PARD3: variants seen among roughly 807,000 people sequenced by gnomAD.
The protein encoded by PARD3 is par-3 family cell polarity regulator, also known as partitioning defective 3 homolog.
PARD3 carries 75 observed loss-of-function variants against 155.4 expected under a neutral mutation model. The observed-to-expected ratio is 0.48, with a 90% CI of 0.40 to 0.58. The LOEUF (loss-of-function observed/expected upper bound fraction) is 0.58. PARD3 is among the 20% of genes least tolerant of loss of function. The pLI, the probability that PARD3 is intolerant of heterozygous loss-of-function variation, is 0.00. For synonymous variants in PARD3, 576 were observed against 610.5 expected, an observed-to-expected ratio of 0.94 and a Z score of 0.83; for missense variants, 1,642 against 1,721.7, an observed-to-expected ratio of 0.95 and a Z score of 0.82.
rs561234289 is a variant in PARD3, at chr10:34,602,907, C to G, written c.223-85748G>C. Among the ~76,000 whole-genome samples, 5 of 152,216 alleles carry G rather than the reference C, an allele frequency of 3.3e-5. No individual in the cohort carries two copies. The South Asian group carries it at 1.0e-3, about 32-fold the overall frequency. On this transcript the variant is annotated intron_variant, in intron 2 of 24. Coordinates refer to ENST00000374788, the MANE Select transcript of PARD3 (RefSeq NM_001184785.2). ...GGCACACAATTAACAGAAAGCAAAA[C>G]TGAGGTCCAAAAAATGTCAAATGTG... is the stretch of plus-strand genomic sequence containing the variant.
intron 7 of PARD3, among the ~76,000 whole-genome samples, chr10:34,389,297 C>G: frequency 7.1e-6 from 1 of 139,870 alleles, no homozygotes. Context: ...ACAAAGCGAG[C>G]CATTGAAATG....
intron 2 of PARD3, among the ~76,000 whole-genome samples, chr10:34,606,673 C>A (rs946807368): frequency 1.2e-4 from 17 of 139,580 alleles, no homozygotes; most frequent in Non-Finnish European, 2.3e-4. Context: ...GTCTGTCTAT[C>A]AATAAGACAG....
At chr10:34,724,947 C>G (rs970389412) in intron 1 of PARD3, among the ~76,000 whole-genome samples, 5 of 152,176 alleles carry the variant, frequency 3.3e-5, no homozygotes, top group African/African-American at 1.2e-4. Flanking sequence ...TCAGCTCATT[C>G]AGTACAAGCA....
At chr10:34,497,452 AGGAGTTCCT>A (rs1314780853) in intron 3 of PARD3, among the ~76,000 whole-genome samples, 2 of 152,222 alleles carry the variant, frequency 1.3e-5, no homozygotes, top group Non-Finnish European at 2.9e-5. Context: ...TGGTATCTGC[AGGAGTTCCT>A]GGAACCAACC....
chr10:34,530,195 C>A (rs1222456043), intron 2 of PARD3, among the ~76,000 whole-genome samples: 1 of 152,106 alleles, frequency 6.6e-6, no homozygotes, highest in African/African-American at 2.4e-5. Flanking sequence ...GAGAGACAGG[C>A]ACCACTGTGT....
intron 1 of PARD3, among the ~76,000 whole-genome samples, chr10:34,810,949 G>T (rs1158360940): frequency 6.6e-6 from 1 of 151,976 alleles, no homozygotes; most frequent in East Asian, 1.9e-4. Flanking sequence ...CTATACCCAA[G>T]GTTAAATGGC....
At chr10:34,145,763 C>T (rs777026890) in intron 22 of PARD3, among the ~76,000 whole-genome samples, 3 of 152,044 alleles carry the variant, frequency 2.0e-5, no homozygotes, top group Non-Finnish European at 4.4e-5. Context: ...AACAAACAAA[C>T]GTTGTTTGTT....
chr10:34,645,335 A>ACT (rs1192399102), intron 2 of PARD3, among the ~76,000 whole-genome samples: 1 of 151,796 alleles, frequency 6.6e-6, no homozygotes, highest in African/African-American at 2.4e-5. Flanking sequence ...CCTCCCCAGT[A>ACT]GCTGGAATTA....
chr10:34,652,756 T>A (rs1564463744), intron 2 of PARD3, among the ~76,000 whole-genome samples: 1 of 152,176 alleles, frequency 6.6e-6, no homozygotes, highest in Non-Finnish European at 1.5e-5. Flanking sequence ...ATATACATTC[T>A]AGAAAATGAA....
intron 22 of PARD3, among the ~76,000 whole-genome samples, chr10:34,159,569 C>G (rs1174855266): frequency 6.6e-6 from 1 of 152,200 alleles, no homozygotes; most frequent in African/African-American, 2.4e-5. Flanking sequence ...CTTCTAACAT[C>G]TAGGCAACTA....
chr10:34,197,868 T>C (rs1264065584), intron 22 of PARD3, among the ~76,000 whole-genome samples: 2 of 152,214 alleles, frequency 1.3e-5, no homozygotes, highest in Non-Finnish European at 2.9e-5. Context: ...CAGCGGGGAC[T>C]ACAGGCGCAC....
chr10:34,292,550 G>A (rs2133975916), intron 20 of PARD3, among the ~76,000 whole-genome samples: 1 of 152,272 alleles, frequency 6.6e-6, no homozygotes, highest in East Asian at 1.9e-4. Flanking sequence ...AAGACAGGAT[G>A]CTGTTTTAAG....
intron 20 of PARD3, among the ~76,000 whole-genome samples, chr10:34,288,202 C>T (rs189236712): frequency 6.6e-6 from 1 of 151,924 alleles, no homozygotes; most frequent in Non-Finnish European, 1.5e-5. Context: ...CAGAGTAAGA[C>T]CTTGTCTCAA....
intron 19 of PARD3, among the ~76,000 whole-genome samples, chr10:34,321,169 C>T (rs1455203718): frequency 6.6e-6 from 1 of 152,086 alleles, no homozygotes; most frequent in Admixed American, 6.6e-5. Context: ...TAAATCTGTA[C>T]ATTTAATACT....
In PARD3 at chr10:34,317,454, C is replaced by T. The variant is rs112765562; in HGVS notation, c.2834-116G>A. The T allele has an allele frequency of 3.5e-4, 366 of 1,049,580 alleles. 2 individuals are homozygous for T. The African/African-American group carries it at 5.0e-3, about 14-fold the overall frequency. 65.0% of individuals were successfully genotyped at this position (1,049,580 alleles called of 1,614,324 possible). ...ACACTTTTACTGCAGTATGGCCCTG[C>T]TAGCAACATGGACTGCAATGCTGTT... On this transcript the variant is annotated intron_variant, in intron 19 of 24. Coordinates refer to ENST00000374788, the MANE Select transcript of PARD3 (RefSeq NM_001184785.2).
chr10:34,371,116 A>G (rs1840556428), intron 12 of PARD3, among the ~76,000 whole-genome samples: 1 of 152,076 alleles, frequency 6.6e-6, no homozygotes, highest in East Asian at 1.9e-4. Context: ...TTGTAGCTTT[A>G]TATTATATAT....
intron 1 of PARD3, among the ~76,000 whole-genome samples, chr10:34,774,759 C>T (rs975701657): frequency 3.3e-5 from 5 of 152,326 alleles, no homozygotes; most frequent in African/African-American, 9.6e-5. Flanking sequence ...TACCTGCATG[C>T]ACATATGTCA....
At chr10:34,408,274 TA>T (rs539131967) in intron 5 of PARD3, among the ~76,000 whole-genome samples, 2 of 152,150 alleles carry the variant, frequency 1.3e-5, no homozygotes, top group Non-Finnish European at 2.9e-5. Flanking sequence ...CAAGTGTTTT[TA>T]AAAAAAATTA....
chr10:34,447,519 A>AAAG (rs2076809600), intron 5 of PARD3, among the ~76,000 whole-genome samples: 1 of 134,552 alleles, frequency 7.4e-6, no homozygotes, highest in Admixed American at 7.6e-5. Context: ...AAAAAAAAAA[A>AAAG]GGGCCAGTTG....
Sources: allele counts gnomAD v4.1 joint callset (sites outside exome capture counted in the v4.1 genomes callset), GRCh38; gene constraint gnomAD v4.1.1; transcripts MANE v1.5; gene names NCBI Gene and HGNC (gene_info 2026-07-23, HGNC 2026-07-21).